The following PRC1 variants were observed in gnomAD, a reference collection of about 807,000 sequenced individuals.
The protein encoded by PRC1 is protein regulator of cytokinesis 1.
Under a neutral mutation model 91.2 loss-of-function variants are expected in PRC1, and 54 were observed. The ratio of observed to expected loss-of-function variants is 0.59; its 90% CI spans 0.48 to 0.74. The LOEUF is 0.74. Ranked by LOEUF, PRC1 falls within the 30% of genes least tolerant of loss-of-function variation. PRC1 has a pLI of 0.00. For missense variants in PRC1, 727 were observed against 746.2 expected, an observed-to-expected ratio of 0.97 and a Z score of 0.30; for synonymous variants, 275 against 263.6, an observed-to-expected ratio of 1.04 and a Z score of -0.42.
chr15:90,967,048 T>TG lies in PRC1; in HGVS notation c.*82dup. 7.8e-7 allele frequency: 1 copy of TG among 1,288,324 alleles called. No individual in the cohort carries two copies. Among genetic ancestry groups the TG allele is most frequent in the Non-Finnish European group, 1.1e-6 (1 of 890,976 alleles). 79.8% of individuals were successfully genotyped at this position (1,288,324 alleles called of 1,614,324 possible). ...GCCAAGGTTTCAAGCACGCCTAAGC[T>TG]GAAGAAAAACTAAAGTCACCCCCAT... On this transcript the variant is annotated 3_prime_UTR_variant, in exon 15 of 15. Coordinates refer to ENST00000394249, the MANE Select transcript of PRC1 (RefSeq NM_003981.4).
Position 90,976,667 on chromosome 15 carries a change from CATT to C in PRC1, c.1203+6_1203+8del. The C allele has an allele frequency of 1.4e-5, 22 of 1,595,476 alleles. No homozygotes were observed. Among genetic ancestry groups the C allele is most frequent in the Non-Finnish European group, 1.8e-5 (21 of 1,164,254 alleles). On this transcript the variant is annotated splice_donor_region_variant and intron_variant, in intron 9 of 14. Transcript: ENST00000394249. The stretch of plus-strand genomic sequence containing the variant: ...ACCAAGCATCAAAAACCCTTAGCAA[CATT>C]ATTACCTTGGGCAGCATTTTCTGGA...
chr15:90,974,605 C>G lies in PRC1; in HGVS notation c.1330G>C (p.Glu444Gln). ...EQWEMHRLEK[E>Q]RAKQERQLKN... Reference sequence around the variant, plus strand: ...CTTACTCTTTCCTGCTTGGCTCTCTCTTTCTCCAATCGATGCATCTCCCAT... The same window carrying G: ...CTTACTCTTTCCTGCTTGGCTCTCTGTTTCTCCAATCGATGCATCTCCCAT... The change falls in exon 10 of 15, where the codon GAG becomes CAG. Residue 444 changes from glutamate (E) to glutamine (Q), a missense_variant. Physicochemically the swap from Glu to Gln is conservative, Grantham distance 29 (BLOSUM62 2). Transcript: ENST00000394249. This position sits in a 1 kb window ranked among gnomAD's most constrained non-coding sequence, Gnocchi z 4.6. 6.2e-7 allele frequency: 1 copy of G among 1,614,214 alleles called. No individual in the cohort carries two copies. Among genetic ancestry groups the G allele is most frequent in the Non-Finnish European group, 8.5e-7 (1 of 1,180,042 alleles).
Position 90,974,177 on chromosome 15 carries a change from G to A in PRC1, c.1420C>T (p.Arg474Trp). Residue 474 changes from arginine (R) to tryptophan (W), a missense_variant, in exon 11 of 15, where the codon CGG becomes TGG. Coordinates refer to ENST00000394249, the MANE Select transcript of PRC1 (RefSeq NM_003981.4). The surrounding 1 kb of genome is among the most constrained non-coding windows in gnomAD (Gnocchi z 4.6). ...YGSAPRTPSK[R>W]RGLAPNTPGK... ...GGTGTATTGGGAGCCAGTCCTCGCC[G>A]CTTGCTAGGTGTTCGAGGAGCGCTG... 1.2e-6 allele frequency: 2 copies of A among 1,614,168 alleles called. No homozygotes were observed. The highest frequency in any genetic ancestry group is 1.7e-6 in the Non-Finnish European group (2 of 1,180,024).
intron 11 of PRC1, among the ~76,000 whole-genome samples, chr15:90,972,391 A>G (rs1436861890): frequency 6.6e-6 from 1 of 151,870 alleles, no homozygotes; most frequent in East Asian, 1.9e-4. Context: ...TAAAAATAAT[A>G]AATTTAATGT....
At position 90,979,584 on chromosome 15, in the gene PRC1, TTC is replaced by T. The variant is rs765261584; in HGVS notation, c.971-292_971-291del. On this transcript the variant is annotated intron_variant, in intron 7 of 14. Coordinates refer to ENST00000394249, the MANE Select transcript of PRC1 (RefSeq NM_003981.4). Reference sequence around the variant, plus strand: ...CTTCGGTTTCTTTCATATTCTGCTTTTCTGTCTTGCCCAGCCAGTAGAGGGGT... The same window carrying T: ...CTTCGGTTTCTTTCATATTCTGCTTTTGTCTTGCCCAGCCAGTAGAGGGGT... 5.7e-4 allele frequency among the ~76,000 whole-genome samples: 87 copies of T among 152,334 alleles called. 1 individual carries two copies. The highest frequency in any genetic ancestry group is 6.8e-3 in the Middle Eastern group (2 of 294).
At position 90,970,433 on chromosome 15, in the gene PRC1, C is replaced by T. The variant is rs774383748; in HGVS notation, c.1543G>A (p.Val515Met). 97 of 1,612,148 alleles carry T rather than the reference C, an allele frequency of 6.0e-5. No individual in the cohort carries two copies. The highest frequency in any genetic ancestry group is 8.0e-5 in the Non-Finnish European group (94 of 1,178,412). ...IFGGTVYHSPVSRLPPSGSKP... is the reference protein window; with the variant it reads ...IFGGTVYHSPMSRLPPSGSKP... ...CTGCCAGAAGGAGGAAGTCGAGACA[C>T]GGGGGAGTGGTAGACTGTCCCTCCA... Residue 515 changes from valine (V) to methionine (M), a missense_variant, in exon 12 of 15, where the codon GTG becomes ATG. Val to Met is a conservative substitution (Grantham distance 21). Coordinates refer to ENST00000394249, the MANE Select transcript of PRC1 (RefSeq NM_003981.4).
At chr15:90,994,311 G>A in intron 1 of PRC1, 96 bp downstream of exon 1, 9 of 1,580,452 alleles carry the variant, frequency 5.7e-6, no homozygotes, top group Non-Finnish European at 7.8e-6. Context: ...ATCTAGGCCC[G>A]GGACCCCGCA....
intron 1 of PRC1, among the ~76,000 whole-genome samples, chr15:90,986,787 G>A (rs2039607102): frequency 6.6e-6 from 1 of 151,544 alleles, no homozygotes; most frequent in South Asian, 2.1e-4. Context: ...GAAACTACCT[G>A]TAAAGCGAGT....
chr15:90,971,586 CTTTTT>C (rs34967462), intron 11 of PRC1, among the ~76,000 whole-genome samples: 11 of 144,120 alleles, frequency 7.6e-5, no homozygotes, highest in Non-Finnish European at 1.4e-4. Flanking sequence ...CCAGCCAACA[CTTTTT>C]TTTTTTTTTT....
rs1390149434 is a variant in PRC1 at position 90,966,686 on chromosome 15, C to T, written c.*445G>A. ...GTGGGGACAAGGCTTCAGGTAAGAG[C>T]AAAGCTATGATAGCTACAGCATTAA... On this transcript the variant is annotated 3_prime_UTR_variant, in exon 15 of 15. Transcript: ENST00000394249. 4.4e-6 allele frequency: 2 copies of T among 455,902 alleles called. No homozygotes were observed. Among genetic ancestry groups the T allele is most frequent in the Non-Finnish European group, 8.8e-6 (2 of 226,910 alleles). 28.2% of individuals were successfully genotyped at this position (455,902 alleles called of 1,614,324 possible). A position where few individuals can be genotyped will look rare whatever the true frequency, so the allele number is the denominator to read the frequency against.
chr15:90,969,361 T>C (rs910334453), intron 13 of PRC1, 86 bp downstream of exon 13: 19 of 1,472,250 alleles, frequency 1.3e-5, no homozygotes, highest in Middle Eastern at 3.8e-4. Flanking sequence ...CCCTAGCTAA[T>C]AGCCTGGGTG....
In PRC1 at chr15:90,981,773, T is replaced by C. The variant is rs1383321764; in HGVS notation, c.476A>G (p.His159Arg). Residue 159 changes from histidine (H) to arginine (R), a missense_variant, in exon 4 of 15, where the codon CAT becomes CGT. Coordinates refer to ENST00000394249, the MANE Select transcript of PRC1 (RefSeq NM_003981.4). Reference protein sequence around the residue: ...SLEELNQFRQHVTTLRETKAS... With the variant: ...SLEELNQFRQRVTTLRETKAS... ...CTTTGTTTCCCTCAAAGTTGTCACATGTTGCCTGAACTGGTTCAGCTCTTC... is the reference window on the plus strand; with the variant it reads ...CTTTGTTTCCCTCAAAGTTGTCACACGTTGCCTGAACTGGTTCAGCTCTTC... 1 of 1,612,838 alleles carries C rather than the reference T, an allele frequency of 6.2e-7. No homozygotes were observed. The highest frequency in any genetic ancestry group is 8.5e-7 in the Non-Finnish European group (1 of 1,179,202).
At chr15:90,969,413 C>T in intron 13 of PRC1, 34 bp downstream of exon 13, 1 of 1,562,838 alleles carries the variant, frequency 6.4e-7, no homozygotes, top group Middle Eastern at 1.7e-4. Flanking sequence ...GTGTGCTCCC[C>T]AGAGACTGGT....
Position 90,969,835 on chromosome 15 carries a change from C to A in PRC1, c.1573-212G>T, listed in dbSNP as rs190881515. Among the ~76,000 whole-genome samples, 925 of 144,812 alleles carry A rather than the reference C, an allele frequency of 6.4e-3. 7 individuals are homozygous for A. The highest frequency in any genetic ancestry group is 0.021 in the African/African-American group (834 of 39,848). On this transcript the variant is annotated intron_variant, in intron 12 of 14. Transcript: ENST00000394249. Reference sequence around the variant, plus strand: ...GTGTGGCTCATGCCTATAATCCCAACACTTTGGGAGGCCAAGGCAGGAGGA... The same window carrying A: ...GTGTGGCTCATGCCTATAATCCCAAAACTTTGGGAGGCCAAGGCAGGAGGA...
rs867176786 is a variant in PRC1 at position 90,969,483 on chromosome 15, G to T, written c.1713C>A (p.Ser571Arg). ...AATAGGTGCTGGCAACAGAATTAAT[G>T]CTGAAGTTGCGCTGGAGGGGGGCCG... ...PGSAPLQRNF[S>R]INSVASTYSE... Residue 571 changes from serine (S) to arginine (R), a missense_variant, in exon 13 of 15, where the codon AGC becomes AGA. Transcript: ENST00000394249. 1.2e-6 allele frequency: 2 copies of T among 1,611,340 alleles called. No individual in the cohort carries two copies. The highest frequency in any genetic ancestry group is 1.3e-5 in the African/African-American group (1 of 74,850).
rs913921850 is a variant in PRC1 at position 90,974,910 on chromosome 15, A to C, written c.1204-179T>G. 3.9e-5 allele frequency among the ~76,000 whole-genome samples: 6 copies of C among 152,208 alleles called. No individual in the cohort carries two copies. The highest frequency in any genetic ancestry group is 2.1e-4 in the South Asian group (1 of 4,826). On this transcript the variant is annotated intron_variant, in intron 9 of 14. Transcript: ENST00000394249. This position sits in a 1 kb window ranked among gnomAD's most constrained non-coding sequence, Gnocchi z 4.6. ...AGAAATCAAAGCCCGGAGACATTTC[A>C]TTCACACAACACACAAGAGTGGAAA...
chr15:90,980,422 C>T, intron 6 of PRC1, 33 bp from the exon 7 acceptor site: 3 of 1,603,432 alleles, frequency 1.9e-6, no homozygotes, highest in Non-Finnish European at 2.6e-6. Context: ...GGGTGGCTGC[C>T]ATAGTTTTAT....
At chr15:90,968,896 T>C (rs1185826210) in intron 14 of PRC1, 183 bp downstream of exon 14, 2 of 1,408,212 alleles carry the variant, frequency 1.4e-6, no homozygotes, top group Non-Finnish European at 1.9e-6. Context: ...CTGAACAAAT[T>C]TTATTAATTA....
intron 6 of PRC1, 123 bp from the exon 7 acceptor site, chr15:90,980,512 CTTTTTTTT>C (rs35250469): frequency 1.1e-4 from 55 of 492,732 alleles, no homozygotes; most frequent in East Asian, 2.8e-4. Context: ...TAAATCAACA[CTTTTTTTT>C]TTTTTTTTTT....
Sources: gnomAD v4.1 joint callset for allele counts (sites outside exome capture counted in the v4.1 genomes callset) on GRCh38, gnomAD v4.1.1 for gene constraint, Gnocchi (gnomAD v3.1) non-coding constraint, MANE v1.5 for transcripts, NCBI Gene and HGNC (gene_info 2026-07-23, HGNC 2026-07-21) for gene names.